The following FBXO10 variants were observed in gnomAD, a reference collection of about 807,000 sequenced individuals.
FBXO10 encodes F-box protein 10, also known as F-box only protein 10.
Under a neutral mutation model 80.7 loss-of-function variants are expected in FBXO10, and 39 were observed. That is an observed-to-expected ratio of 0.48 (90% confidence interval 0.37 to 0.63). The LOEUF (loss-of-function observed/expected upper bound fraction) is 0.63. FBXO10 is among the 30% of genes least tolerant of loss of function. The pLI, the probability that FBXO10 is intolerant of heterozygous loss-of-function variation, is 0.00. For missense variants in FBXO10, 1,025 were observed against 1,269.0 expected (o/e 0.81, Z 2.92); for synonymous variants, 449 against 489.6 (o/e 0.92, Z 1.09).
chr9:37,571,714 C>CATATATATATATAT (rs71494672), intron 1 of FBXO10, among the ~76,000 whole-genome samples: 6,606 of 92,090 alleles, frequency 0.072, 388 homozygotes, highest in African/African-American at 0.11. Context: ...AAAAGAGAGC[C>CATATATATATATAT]ATATATATAT....
intron 1 of FBXO10, among the ~76,000 whole-genome samples, chr9:37,555,922 C>A (rs527678711): frequency 9.5e-4 from 145 of 152,260 alleles, no homozygotes; most frequent in Middle Eastern, 3.4e-3. Flanking sequence ...ATTCCTAAGT[C>A]ATGGATATAA....
At chr9:37,551,338 C>A (rs572228510) in intron 1 of FBXO10, among the ~76,000 whole-genome samples, 21 of 152,352 alleles carry the variant, frequency 1.4e-4, no homozygotes, top group Admixed American at 1.3e-3. Context: ...GTGCTGGTGG[C>A]TCTACAGGTC....
At chr9:37,569,824 C>A (rs1292922215) in intron 1 of FBXO10, among the ~76,000 whole-genome samples, 1 of 152,210 alleles carries the variant, frequency 6.6e-6, no homozygotes, top group Non-Finnish European at 1.5e-5. Flanking sequence ...GACAGTGAGA[C>A]TGTCTCAAAA....
intron 9 of FBXO10, among the ~76,000 whole-genome samples, chr9:37,517,206 C>A (rs1046360017): frequency 6.6e-6 from 1 of 152,016 alleles, no homozygotes; most frequent in African/African-American, 2.4e-5. Flanking sequence ...TTTGGTGACT[C>A]AGGGGGAAGG....
Position 37,528,283 on chromosome 9 carries a change from G to A in FBXO10, c.1706+841C>T, listed in dbSNP as rs376250695. On this transcript the variant is annotated intron_variant, in intron 5 of 10. Transcript: ENST00000432825. ...TGCTGTGTGGCACAGATGGTCTGCCGCAAGGACGTCAAGGGTCACACTGCA... is the reference window on the plus strand; with the variant it reads ...TGCTGTGTGGCACAGATGGTCTGCCACAAGGACGTCAAGGGTCACACTGCA... Among the ~76,000 whole-genome samples, 30 of 152,248 alleles carry A rather than the reference G, an allele frequency of 2.0e-4. No individual in the cohort carries two copies. In the East Asian group the frequency reaches 3.3e-3, roughly 17 times the overall value.
chr9:37,542,298 T>A (rs938029252), intron 1 of FBXO10, among the ~76,000 whole-genome samples: 1 of 152,044 alleles, frequency 6.6e-6, no homozygotes, highest in Non-Finnish European at 1.5e-5. Flanking sequence ...TCAGATGTTA[T>A]AAAGATATGA....
chr9:37,550,169 G>GTTTTTTGTTTTTTTT (rs1822155708), intron 1 of FBXO10, among the ~76,000 whole-genome samples: 1 of 68,032 alleles, frequency 1.5e-5, no homozygotes, highest in African/African-American at 5.2e-5. Flanking sequence ...GTCGTCTCAG[G>GTTTTTTGTTTTTTTT]TTTTTTTTTT....
chr9:37,566,835 A>G (rs1439731246), intron 1 of FBXO10, among the ~76,000 whole-genome samples: 1 of 152,230 alleles, frequency 6.6e-6, no homozygotes, highest in African/African-American at 2.4e-5. Context: ...AGCTCTCTTC[A>G]GCGTGAGAAA....
intron 3 of FBXO10, among the ~76,000 whole-genome samples, chr9:37,536,850 C>T (rs1168689341): frequency 1.3e-5 from 2 of 152,082 alleles, no homozygotes; most frequent in Non-Finnish European, 2.9e-5. Context: ...TGAAAAGAGG[C>T]AGGAGACCCG....
chr9:37,542,911 C>T (rs2119131443), intron 1 of FBXO10, among the ~76,000 whole-genome samples: 1 of 152,332 alleles, frequency 6.6e-6, no homozygotes. Context: ...AGGGAACCCA[C>T]CTTTGGCTGT....
chr9:37,544,910 C>T (rs1392159993), intron 1 of FBXO10, among the ~76,000 whole-genome samples: 9 of 144,598 alleles, frequency 6.2e-5, no homozygotes, highest in South Asian at 4.5e-4. Context: ...AGGAGAATGG[C>T]GTGAACCCGG....
In FBXO10 at chr9:37,519,174, G is replaced by T. The variant is rs1821265098; in HGVS notation, c.2201-736C>A. Among the ~76,000 whole-genome samples the T allele has an allele frequency of 2.0e-5, 3 of 152,314 alleles. No individual in the cohort carries two copies. In the East Asian group the frequency reaches 5.8e-4, roughly 29 times the overall value. Reference sequence around the variant, plus strand: ...TCCACCTGCCTCGGCCTCCCAAAGTGCTGGGATTACAGGCGTGAGCCACCA... The same window carrying T: ...TCCACCTGCCTCGGCCTCCCAAAGTTCTGGGATTACAGGCGTGAGCCACCA... On this transcript the variant is annotated intron_variant, in intron 8 of 10. Coordinates refer to ENST00000432825, the MANE Select transcript of FBXO10 (RefSeq NM_012166.3).
intron 1 of FBXO10, among the ~76,000 whole-genome samples, chr9:37,575,218 T>C (rs546041455): frequency 7.9e-4 from 120 of 152,256 alleles, no homozygotes; most frequent in Non-Finnish European, 1.4e-3. Flanking sequence ...AGTAAATTGA[T>C]GTTCCCATCC....
intron 1 of FBXO10, among the ~76,000 whole-genome samples, chr9:37,559,180 A>G (rs932430237): frequency 6.6e-6 from 1 of 152,168 alleles, no homozygotes; most frequent in African/African-American, 2.4e-5. Flanking sequence ...GTGGCTCTTC[A>G]GTCATCACCT....
At chr9:37,520,522 CTTTTTTTTTTTT>C (rs1191753429) in intron 8 of FBXO10, among the ~76,000 whole-genome samples, 1 of 83,384 alleles carries the variant, frequency 1.2e-5, no homozygotes, top group Non-Finnish European at 2.2e-5. Flanking sequence ...CCTTCTTCTT[CTTTTTTTTTTTT>C]TTTTTTTTTT....
At chr9:37,534,376 A>C (rs1821703211) in intron 3 of FBXO10, among the ~76,000 whole-genome samples, 1 of 152,220 alleles carries the variant, frequency 6.6e-6, no homozygotes, top group Non-Finnish European at 1.5e-5. Flanking sequence ...AATGCTACAA[A>C]AAGACAGGTG....
intron 1 of FBXO10, among the ~76,000 whole-genome samples, chr9:37,557,105 G>A (rs772692805): frequency 2.0e-5 from 3 of 152,158 alleles, no homozygotes; most frequent in Admixed American, 6.5e-5. Context: ...CTGGGTCTAC[G>A]TGTCCATGCA....
intron 1 of FBXO10, among the ~76,000 whole-genome samples, chr9:37,547,349 G>T (rs1822081649): frequency 6.6e-6 from 1 of 152,212 alleles, no homozygotes; most frequent in South Asian, 2.1e-4. Flanking sequence ...CAGCACTTTG[G>T]GAGGTCCAGG....
chr9:37,549,845 T>G (rs189888212), intron 1 of FBXO10, among the ~76,000 whole-genome samples: 1 of 152,322 alleles, frequency 6.6e-6, no homozygotes, highest in African/African-American at 2.4e-5. Context: ...GCATTGTACC[T>G]TTTTATTAGG....
Sources: gnomAD v4.1 joint callset for allele counts (sites outside exome capture counted in the v4.1 genomes callset) on GRCh38, gnomAD v4.1.1 for gene constraint, MANE v1.5 for transcripts, NCBI Gene and HGNC (gene_info 2026-07-23, HGNC 2026-07-21) for gene names.